Variants in LRRC51 observed in about 807,000 individuals in gnomAD.
LRRC51 encodes the protein leucine rich repeat containing 51.
LRRC51 carries 8 observed loss-of-function variants against 17.8 expected under a neutral mutation model. The observed-to-expected ratio is 0.45, with a 90% CI of 0.26 to 0.81. LRRC51 has a LOEUF of 0.81. Ranked by LOEUF, LRRC51 falls within the 30% of genes least tolerant of loss-of-function variation. The pLI, the probability that LRRC51 is intolerant of heterozygous loss-of-function variation, is 0.17. For missense variants in LRRC51, 233 were observed against 239.3 expected, an observed-to-expected ratio of 0.97 and a Z score of 0.17; for synonymous variants, 92 against 96.0, an observed-to-expected ratio of 0.96 and a Z score of 0.24.
At chr11:72,081,533 G>C (rs1944200685) in intron 1 of LRRC51, among the ~76,000 whole-genome samples, 1 of 152,148 alleles carries the variant, frequency 6.6e-6, no homozygotes. Context: ...GCATAACCTG[G>C]GAGATCAGAA....
chr11:72,091,235 G>A (rs1944839045), intron 3 of LRRC51, among the ~76,000 whole-genome samples: 3 of 152,278 alleles, frequency 2.0e-5, no homozygotes, highest in South Asian at 4.1e-4. Context: ...TATCACATGG[G>A]GCACTAGTTC....
At chr11:72,088,915 G>GA in intron 2 of LRRC51, 114 bp from the exon 3 acceptor site, 2 of 1,250,874 alleles carry the variant, frequency 1.6e-6, no homozygotes. Flanking sequence ...TCTTAAAATG[G>GA]AAATACAGCC....
At chr11:72,084,272 A>G (rs1944403508) in intron 1 of LRRC51, among the ~76,000 whole-genome samples, 1 of 151,556 alleles carries the variant, frequency 6.6e-6, no homozygotes, top group Non-Finnish European at 1.5e-5. Flanking sequence ...TTATGTGATT[A>G]TTCCTCAAAG....
rs570363300 is a variant in LRRC51, at chr11:72,084,706, G to A, written c.-139-3591G>A. On this transcript the variant is annotated intron_variant, in intron 1 of 5. Transcript: ENST00000289488. ...ACAAAAATTAGCAGGGTGTGGTGAC[G>A]TGTGCCTGTAGTCCCAGCTACTCAG... Among the ~76,000 whole-genome samples, 6 of 151,976 alleles carry A rather than the reference G, an allele frequency of 3.9e-5. No homozygotes were observed. In the South Asian group the frequency reaches 8.3e-4, roughly 21 times the overall value.
chr11:72,084,626 C>T (rs1944419077), intron 1 of LRRC51, among the ~76,000 whole-genome samples: 1 of 151,996 alleles, frequency 6.6e-6, no homozygotes, highest in African/African-American at 2.4e-5. Flanking sequence ...AGCTTGAGCC[C>T]AGGAGTTTGA....
intron 5 of LRRC51, 106 bp from the exon 6 acceptor site, chr11:72,095,273 C>A: frequency 6.2e-7 from 1 of 1,603,468 alleles, no homozygotes; most frequent in Non-Finnish European, 8.5e-7. Flanking sequence ...CCAAACTATG[C>A]TCAAGTCCCT....
chr11:72,095,006 G>C lies in LRRC51; in HGVS notation c.347G>C (p.Arg116Pro). The C allele has an allele frequency of 6.2e-7, 1 of 1,614,002 alleles. No individual in the cohort carries two copies. Residue 116 changes from arginine to proline, a missense_variant, in exon 5 of 6, where the codon CGC becomes CCC. Coordinates refer to ENST00000289488, the MANE Select transcript of LRRC51 (RefSeq NM_145309.6). Reference sequence around the variant, plus strand: ...TATCTTCACGGCAACAGCATCCAGCGCCTGGGGGAGGTGAATAAGCTGGCT... The same window carrying C: ...TATCTTCACGGCAACAGCATCCAGCCCCTGGGGGAGGTGAATAAGCTGGCT... The part of the protein sequence containing the change: ...VLYLHGNSIQ[R>P]LGEVNKLAVL...
intron 3 of LRRC51, among the ~76,000 whole-genome samples, chr11:72,090,056 A>G (rs1944765436): frequency 6.6e-6 from 1 of 152,206 alleles, no homozygotes; most frequent in Non-Finnish European, 1.5e-5. Context: ...ACTGCCTTTA[A>G]GCTCGGGAAG....
chr11:72,092,626 T>C (rs936952874), intron 3 of LRRC51, among the ~76,000 whole-genome samples: 2 of 152,256 alleles, frequency 1.3e-5, no homozygotes, highest in Non-Finnish European at 2.9e-5. Flanking sequence ...TTTGAGACTT[T>C]TGACTGGATT....
Position 72,082,707 on chromosome 11 carries a change from T to C in LRRC51, c.-140+1822T>C, listed in dbSNP as rs200224343. Among the ~76,000 whole-genome samples the C allele has an allele frequency of 8.5e-5, 13 of 152,318 alleles. No individual in the cohort carries two copies. The East Asian group carries it at 2.5e-3, about 29-fold the overall frequency. Reference sequence around the variant, plus strand: ...ACCTCTTCCATTTCCCATCTATCACTAAGTCTTATCAGCTTTACTTCCTGA... The same window carrying C: ...ACCTCTTCCATTTCCCATCTATCACCAAGTCTTATCAGCTTTACTTCCTGA... On this transcript the variant is annotated intron_variant, in intron 1 of 5. Coordinates refer to ENST00000289488, the MANE Select transcript of LRRC51 (RefSeq NM_145309.6).
intron 1 of LRRC51, among the ~76,000 whole-genome samples, chr11:72,085,168 T>C (rs1944463053): frequency 6.6e-6 from 1 of 152,140 alleles, no homozygotes; most frequent in Admixed American, 6.5e-5. Context: ...TGGCATCTGA[T>C]TACCTCCTGG....
intron 1 of LRRC51, among the ~76,000 whole-genome samples, chr11:72,083,320 C>T (rs1249185424): frequency 2.6e-5 from 4 of 152,178 alleles, no homozygotes; most frequent in African/African-American, 9.7e-5. Flanking sequence ...AGAACCTTTG[C>T]ATATAGCAGT....
rs146300359 is a variant in LRRC51, at chr11:72,093,540, C to T, written c.127C>T (p.Arg43Cys). The T allele has an allele frequency of 3.1e-6, 5 of 1,614,156 alleles. No homozygotes were observed. In the Admixed American group the frequency reaches 5.0e-5, roughly 16 times the overall value. The change falls in exon 4 of 6, where the codon CGT (arginine) becomes TGT (cysteine). Residue 43 changes from arginine to cysteine, a missense_variant. Physicochemically the swap from Arg to Cys is radical, Grantham distance 180. Coordinates refer to ENST00000289488, the MANE Select transcript of LRRC51 (RefSeq NM_145309.6). The part of the protein sequence containing the change: ...EPRTGLRPLK[R>C]SKSGKSLTQS... ...AAGGACAGGACTACGACCACTGAAG[C>T]GTTCAAAGTCGGGGAAATCACTGAC...
rs546277987 is a variant in LRRC51 at position 72,089,094 on chromosome 11, G to A, written c.11G>A (p.Arg4Gln). 4.7e-5 allele frequency: 76 copies of A among 1,613,970 alleles called. No individual in the cohort carries two copies. The highest frequency in any genetic ancestry group is 5.7e-5 in the Non-Finnish European group (67 of 1,180,012). ...ATGATGGCCTGAACTATGAACAAAC[G>A]GGACTATATGAACACTTCGGTACAG... The part of the protein sequence containing the change: MNK[R>Q]DYMNTSVQEP... Residue 4 changes from arginine to glutamine, a missense_variant, in exon 3 of 6, where the codon CGG (arginine) becomes CAG (glutamine). Transcript: ENST00000289488.
chr11:72,089,380 C>T (rs1944727020), intron 3 of LRRC51: 2 of 1,467,926 alleles, frequency 1.4e-6, no homozygotes, highest in East Asian at 2.8e-5. Flanking sequence ...CCAGGAGATC[C>T]TAAGAACATG....
chr11:72,092,619 G>A (rs1465318642), intron 3 of LRRC51, among the ~76,000 whole-genome samples: 1 of 152,234 alleles, frequency 6.6e-6, no homozygotes, highest in African/African-American at 2.4e-5. Flanking sequence ...CCTGACATTT[G>A]AGACTTTTGA....
chr11:72,092,978 G>A (rs1944949969), intron 3 of LRRC51, among the ~76,000 whole-genome samples: 1 of 152,128 alleles, frequency 6.6e-6, no homozygotes, highest in African/African-American at 2.4e-5. Flanking sequence ...TCTGCTCTCT[G>A]CCCTATTATT....
intron 3 of LRRC51, among the ~76,000 whole-genome samples, chr11:72,091,825 A>G (rs898744594): frequency 2.0e-5 from 3 of 152,126 alleles, no homozygotes; most frequent in African/African-American, 4.8e-5. Context: ...GGCTCAAGCA[A>G]TCCTCCTGTC....
intron 3 of LRRC51, among the ~76,000 whole-genome samples, chr11:72,093,275 G>A (rs2136529979): frequency 6.6e-6 from 1 of 152,312 alleles, no homozygotes; most frequent in African/African-American, 2.4e-5. Flanking sequence ...ATGTGACCTG[G>A]AAAGCCAAGA....
Sources: allele counts gnomAD v4.1 joint callset (sites outside exome capture counted in the v4.1 genomes callset), GRCh38; gene constraint gnomAD v4.1.1; transcripts MANE v1.5; gene names NCBI Gene and HGNC (gene_info 2026-07-23, HGNC 2026-07-21).